Variants in CNTN5 observed in about 807,000 individuals in gnomAD.
CNTN5 encodes contactin 5.
In CNTN5, 77 loss-of-function variants were observed where a neutral mutation model predicts 129.1. That is an observed-to-expected ratio of 0.60 (90% CI 0.50 to 0.72). The LOEUF is 0.72. Ranked by LOEUF, CNTN5 falls within the 30% of genes least tolerant of loss-of-function variation. The probability of loss-of-function intolerance (pLI) is 0.00; values close to 1 mark genes in which losing one functional copy is unlikely to be tolerated. For missense variants in CNTN5, 1,478 were observed against 1,328.8 expected, an observed-to-expected ratio of 1.11 and a Z score of -1.75; for synonymous variants, 509 against 465.6, an observed-to-expected ratio of 1.09 and a Z score of -1.20.
At chr11:99,516,706 A>G (rs920546089) in intron 2 of CNTN5, among the ~76,000 whole-genome samples, 3 of 152,168 alleles carry the variant, frequency 2.0e-5, no homozygotes, top group Non-Finnish European at 2.9e-5. Context: ...TATGGAAAAC[A>G]TTGCAGTTTT....
At chr11:99,315,576 C>T (rs1301103746) in intron 1 of CNTN5, among the ~76,000 whole-genome samples, 1 of 149,236 alleles carries the variant, frequency 6.7e-6, no homozygotes, top group Non-Finnish European at 1.5e-5. Context: ...AAGTAATTGA[C>T]AAGGAACATT....
intron 2 of CNTN5, among the ~76,000 whole-genome samples, chr11:99,334,588 A>C (rs1260397227): frequency 6.6e-6 from 1 of 152,110 alleles, no homozygotes; most frequent in Non-Finnish European, 1.5e-5. Context: ...AAGCAATATT[A>C]GTATATTGTT....
At chr11:100,015,588 T>A (rs749033309) in intron 9 of CNTN5, among the ~76,000 whole-genome samples, 4 of 152,184 alleles carry the variant, frequency 2.6e-5, no homozygotes, top group Non-Finnish European at 5.9e-5. Flanking sequence ...TATTCTTGTA[T>A]ATTTAGCACA....
At chr11:100,338,217 AG>A in intron 21 of CNTN5, among the ~76,000 whole-genome samples, 1 of 152,326 alleles carries the variant, frequency 6.6e-6, no homozygotes, top group Non-Finnish European at 1.5e-5. Flanking sequence ...GCTTTCAGCC[AG>A]CACTGAGGTT....
intron 1 of CNTN5, among the ~76,000 whole-genome samples, chr11:99,140,097 A>G (rs1859438479): frequency 6.6e-6 from 1 of 152,224 alleles, no homozygotes; most frequent in Admixed American, 6.5e-5. Flanking sequence ...ATGATTTCAA[A>G]ATTACATTAG....
At chr11:99,232,105 T>G (rs987697111) in intron 1 of CNTN5, among the ~76,000 whole-genome samples, 6 of 152,218 alleles carry the variant, frequency 3.9e-5, no homozygotes, top group African/African-American at 1.4e-4. Context: ...TTTGCTCTTT[T>G]TGCTTAGGAT....
chr11:99,568,827 G>T (rs1435517932), intron 3 of CNTN5, among the ~76,000 whole-genome samples: 1 of 152,132 alleles, frequency 6.6e-6, no homozygotes, highest in African/African-American at 2.4e-5. Context: ...CATTAATAAA[G>T]TTAACAATTG....
At chr11:99,941,349 A>C (rs1207194118) in intron 7 of CNTN5, among the ~76,000 whole-genome samples, 1 of 152,124 alleles carries the variant, frequency 6.6e-6, no homozygotes, top group Non-Finnish European at 1.5e-5. Context: ...AATAGTTTTT[A>C]AAATAATTAT....
rs190651757 is a variant in CNTN5, at chr11:100,122,370, G to A, written c.1580+48076G>A. On this transcript the variant is annotated intron_variant, in intron 13 of 24. Coordinates refer to ENST00000524871, the MANE Select transcript of CNTN5 (RefSeq NM_014361.4). Reference sequence around the variant, plus strand: ...TGCGTCTCTTTTTGTTCTATCAGGCGCCCAGCAGATTGGATCACACTAAGG... The same window carrying A: ...TGCGTCTCTTTTTGTTCTATCAGGCACCCAGCAGATTGGATCACACTAAGG... 1.3e-3 allele frequency among the ~76,000 whole-genome samples: 197 copies of A among 152,048 alleles called. 1 individual carries two copies. The highest frequency in any genetic ancestry group is 2.1e-3 in the Non-Finnish European group (140 of 67,948).
chr11:99,334,841 A>T (rs376040906), intron 2 of CNTN5, among the ~76,000 whole-genome samples: 3 of 114,678 alleles, frequency 2.6e-5, no homozygotes, highest in Admixed American at 9.2e-5. Context: ...TTTTTTCTTA[A>T]TTGTTACTAT....
intron 9 of CNTN5, among the ~76,000 whole-genome samples, chr11:100,006,678 C>A (rs929300164): frequency 6.6e-6 from 1 of 152,090 alleles, no homozygotes; most frequent in African/African-American, 2.4e-5. Context: ...AAGTTTTGAA[C>A]CCCTCCAAGT....
At chr11:99,733,179 C>A (rs532701357) in intron 3 of CNTN5, among the ~76,000 whole-genome samples, 4 of 151,888 alleles carry the variant, frequency 2.6e-5, no homozygotes, top group Non-Finnish European at 4.4e-5. Flanking sequence ...CAAAAAAAGC[C>A]GAGCATGGTG....
chr11:100,128,711 G>A (rs2112070), intron 13 of CNTN5, among the ~76,000 whole-genome samples: 121,651 of 151,892 alleles, frequency 0.8, 49,620 homozygotes, highest in East Asian at 1. Context: ...TTGAATGGGC[G>A]AGGAAGCTAT....
intron 21 of CNTN5, among the ~76,000 whole-genome samples, chr11:100,338,474 G>A (rs887540674): frequency 5.9e-5 from 9 of 152,178 alleles, no homozygotes; most frequent in Non-Finnish European, 1.2e-4. Flanking sequence ...ACATGAAGGA[G>A]GATGAAATGG....
chr11:99,963,334 T>G (rs1427807653), intron 8 of CNTN5, among the ~76,000 whole-genome samples: 65 of 152,328 alleles, frequency 4.3e-4, no homozygotes, highest in Non-Finnish European at 1.5e-5. Flanking sequence ...TTATTTTTTG[T>G]ATAAGGTGTA....
intron 9 of CNTN5, among the ~76,000 whole-genome samples, chr11:100,007,785 A>G (rs1423039766): frequency 6.6e-6 from 1 of 151,070 alleles, no homozygotes; most frequent in Non-Finnish European, 1.5e-5. Flanking sequence ...TTCCTTCAAA[A>G]ACTTTTTTTT....
chr11:99,267,644 T>C (rs968676775), intron 1 of CNTN5, among the ~76,000 whole-genome samples: 20 of 151,988 alleles, frequency 1.3e-4, no homozygotes, highest in African/African-American at 4.1e-4. Context: ...ATTGGCTCCA[T>C]CTTCTTTTTG....
intron 6 of CNTN5, among the ~76,000 whole-genome samples, chr11:99,852,455 G>A (rs2135729449): frequency 6.6e-6 from 1 of 152,316 alleles, no homozygotes; most frequent in South Asian, 2.1e-4. Flanking sequence ...GGGATTAGAG[G>A]CATGAGCCAA....
At chr11:100,142,758 A>ATT (rs142806892) in intron 13 of CNTN5, among the ~76,000 whole-genome samples, 10 of 149,398 alleles carry the variant, frequency 6.7e-5, no homozygotes, top group East Asian at 2.0e-4. Context: ...TAATGATGTC[A>ATT]TTTTTTTTTT....
Sources: allele counts gnomAD v4.1 joint callset (sites outside exome capture counted in the v4.1 genomes callset), GRCh38; gene constraint gnomAD v4.1.1; transcripts MANE v1.5; gene names NCBI Gene and HGNC (gene_info 2026-07-23, HGNC 2026-07-21).